Variants in LTBP1 observed in about 807,000 individuals in gnomAD.
LTBP1 encodes the protein latent-transforming growth factor beta-binding protein 1.
Under a neutral mutation model 207.6 loss-of-function variants are expected in LTBP1, and 129 were observed. The observed-to-expected ratio is 0.62, with a 90% CI of 0.54 to 0.72. The LOEUF (loss-of-function observed/expected upper bound fraction) is 0.72, where lower values mean the gene tolerates loss of function less well. Among genes scored for constraint, LTBP1 ranks in the 30% least tolerant of loss-of-function variants. The pLI, the probability that LTBP1 is intolerant of heterozygous loss-of-function variation, is 0.00. For missense variants in LTBP1, 2,281 were observed against 2,217.2 expected, an observed-to-expected ratio of 1.03 and a Z score of -0.58; for synonymous variants, 963 against 833.7, an observed-to-expected ratio of 1.16 and a Z score of -2.67.
chr2:33,207,557 A>C (rs1003231029), intron 7 of LTBP1, among the ~76,000 whole-genome samples: 2 of 152,194 alleles, frequency 1.3e-5, no homozygotes, highest in African/African-American at 4.8e-5. Flanking sequence ...GCTCAAGCCA[A>C]AGCAAATTTT....
chr2:32,947,681 C>G lies in LTBP1; in HGVS notation c.357C>G (p.His119Gln). 6.7e-7 allele frequency: 1 copy of G among 1,494,736 alleles called. No individual in the cohort carries two copies. The highest frequency in any genetic ancestry group is 1.3e-5 in the South Asian group (1 of 78,848). The allele number at this position is 1,494,736 out of a possible 1,614,324, so 92.6% of individuals were successfully genotyped here. The stretch of plus-strand genomic sequence containing the variant: ...CCGCGGTCCCCGGCGGGCAGCTCCA[C>G]CCCAATCCCGGCGGCCACCCGGCAG... ...ARPAVPGGQL[H>Q]PNPGGHPAAA... The change falls in exon 1 of 34, where the codon CAC (histidine) becomes CAG (glutamine). Residue 119 changes from histidine (H) to glutamine (Q), a missense_variant. This residue lies in a region of LTBP1 where 555 missense variants were observed against 491.0 expected (regional missense o/e 1.13). Coordinates refer to ENST00000404816, the MANE Select transcript of LTBP1 (RefSeq NM_206943.4).
At chr2:33,108,019 A>T (rs886635730) in intron 3 of LTBP1, among the ~76,000 whole-genome samples, 4 of 152,238 alleles carry the variant, frequency 2.6e-5, no homozygotes, top group Non-Finnish European at 4.4e-5. Flanking sequence ...GAGGATATGT[A>T]TTTGTAAGAC....
At chr2:33,063,249 A>C (rs1339421602) in intron 3 of LTBP1, 1 of 152,084 alleles carries the variant, frequency 6.6e-6, no homozygotes, top group Non-Finnish European at 1.5e-5. Context: ...ATGTGATTAC[A>C]ATTTGCATTG....
At chr2:33,233,312 C>G (rs2091889116) in intron 9 of LTBP1, among the ~76,000 whole-genome samples, 1 of 152,020 alleles carries the variant, frequency 6.6e-6, no homozygotes, top group African/African-American at 2.4e-5. Flanking sequence ...TAGGCTTTAT[C>G]TCATTTGTTA....
chr2:33,139,869 G>A (rs1338639704), intron 5 of LTBP1, among the ~76,000 whole-genome samples: 1 of 152,202 alleles, frequency 6.6e-6, no homozygotes, highest in African/African-American at 2.4e-5. Flanking sequence ...TAGATGACAG[G>A]TTGGGAAGGC....
intron 5 of LTBP1, among the ~76,000 whole-genome samples, chr2:33,139,088 G>T (rs1312420361): frequency 1.3e-5 from 2 of 151,848 alleles, no homozygotes; most frequent in Admixed American, 1.3e-4. Flanking sequence ...TCCATCTCCT[G>T]ACCTCGTGAT....
intron 2 of LTBP1, among the ~76,000 whole-genome samples, chr2:32,972,424 G>A (rs1037787992): frequency 2.0e-5 from 3 of 151,686 alleles, no homozygotes; most frequent in Non-Finnish European, 4.4e-5. Flanking sequence ...TTTGATGTGG[G>A]CAGTTAGTGC....
chr2:33,039,549 A>G (rs1357656166), intron 3 of LTBP1, among the ~76,000 whole-genome samples: 1 of 152,220 alleles, frequency 6.6e-6, no homozygotes, highest in Non-Finnish European at 1.5e-5. Flanking sequence ...ATTGCCAAAT[A>G]TATCGAGACA....
chr2:33,204,321 G>T (rs2089648397), intron 7 of LTBP1, among the ~76,000 whole-genome samples: 2 of 152,278 alleles, frequency 1.3e-5, no homozygotes, highest in South Asian at 4.2e-4. Flanking sequence ...TAGTGACACT[G>T]CCATTGGGCA....
At chr2:33,339,625 A>G (rs2094592527) in intron 24 of LTBP1, among the ~76,000 whole-genome samples, 1 of 150,956 alleles carries the variant, frequency 6.6e-6, no homozygotes, top group Admixed American at 6.6e-5. Context: ...CATTTTTTAG[A>G]CTGGAAATAA....
Position 32,947,780 on chromosome 2 carries a change from C to T in LTBP1, c.456C>T (p.Gly152=). The change falls in exon 1 of 34, where the codon GGC becomes GGT. Residue 152 remains glycine (G), a synonymous_variant. Transcript: ENST00000404816. ...CGCAGGAGACCCAGAGCGGCGGAGG[C>T]TCTAGGCTGCAGGTTCACCAGAAGC... The part of the protein sequence containing the change: ...KVPQETQSGG[G]SRLQVHQKQQ... 1 of 1,500,518 alleles carries T rather than the reference C, an allele frequency of 6.7e-7. No homozygotes were observed. The highest frequency in any genetic ancestry group is 8.9e-7 in the Non-Finnish European group (1 of 1,121,768). The allele number at this position is 1,500,518 out of a possible 1,614,324, so 93.0% of individuals were successfully genotyped here. A position where few individuals can be genotyped will look rare whatever the true frequency, so the allele number is the denominator to read the frequency against.
At chr2:33,397,018 T>C (rs2095364720) in intron 32 of LTBP1, 115 bp from the exon 33 acceptor site, 2 of 823,138 alleles carry the variant, frequency 2.4e-6, no homozygotes, top group Non-Finnish European at 3.7e-6. Context: ...ATGTCTGAAA[T>C]ATGTATGGAC....
intron 2 of LTBP1, among the ~76,000 whole-genome samples, chr2:32,959,617 A>ATT (rs1373102884): frequency 3.9e-4 from 15 of 38,550 alleles, no homozygotes; most frequent in African/African-American, 5.7e-4. Context: ...ATATATATAT[A>ATT]TATATTTTTT....
Position 33,309,556 on chromosome 2 carries a change from G to GGT in LTBP1, c.3604+1_3604+2dup. The GGT allele has an allele frequency of 6.2e-7, 1 of 1,602,198 alleles. No individual in the cohort carries two copies. The highest frequency in any genetic ancestry group is 8.5e-7 in the Non-Finnish European group (1 of 1,176,250). On this transcript the variant is annotated frameshift_variant and splice_region_variant. Transcript: ENST00000404816. LOFTEE classifies it high-confidence loss of function. Reference sequence around the variant, plus strand: ...GCTAGATGACAATAAAACATGTCAAGGTATTTCTTGCTCTTTTTTCCCCAG... The same window carrying GGT: ...GCTAGATGACAATAAAACATGTCAAGGTGTATTTCTTGCTCTTTTTTCCCCAG...
At chr2:33,255,858 T>A (rs2092834324) in intron 11 of LTBP1, among the ~76,000 whole-genome samples, 1 of 152,192 alleles carries the variant, frequency 6.6e-6, no homozygotes, top group Non-Finnish European at 1.5e-5. Flanking sequence ...TGACTTATTT[T>A]ATATTCAATT....
intron 3 of LTBP1, among the ~76,000 whole-genome samples, chr2:33,088,307 C>T (rs1178322376): frequency 6.6e-6 from 1 of 152,176 alleles, no homozygotes; most frequent in Non-Finnish European, 1.5e-5. Context: ...CAAAAATTAG[C>T]TAGGCATGGT....
chr2:33,122,010 T>A (rs554693035), intron 4 of LTBP1, among the ~76,000 whole-genome samples: 3 of 152,098 alleles, frequency 2.0e-5, no homozygotes, highest in Non-Finnish European at 4.4e-5. Context: ...TAGTTCTTTC[T>A]AGTTCTTCCC....
At position 33,272,821 on chromosome 2, in the gene LTBP1, A is replaced by C. The variant is rs17012722; in HGVS notation, c.2618-835A>C. ...AAGGACATTGGAAACAGAAAATCTT[A>C]AAGGAGTAATTAATCTCAGAAGGCC... On this transcript the variant is annotated intron_variant, in intron 15 of 33. Coordinates refer to ENST00000404816, the MANE Select transcript of LTBP1 (RefSeq NM_206943.4). Among the ~76,000 whole-genome samples the C allele has an allele frequency of 6.9e-3, 1,048 of 152,274 alleles. 8 individuals are homozygous for C. The highest frequency in any genetic ancestry group is 0.022 in the African/African-American group (932 of 41,552).
intron 5 of LTBP1, among the ~76,000 whole-genome samples, chr2:33,148,756 CTG>C (rs1311133755): frequency 1.3e-5 from 2 of 152,220 alleles, no homozygotes; most frequent in African/African-American, 4.8e-5. Context: ...GGTGGAAAAA[CTG>C]TTTGTCTGTC....
Sources: allele counts gnomAD v4.1 joint callset (sites outside exome capture counted in the v4.1 genomes callset), GRCh38; gene constraint gnomAD v4.1.1; regional missense constraint gnomAD v4.1.1; transcripts MANE v1.5; gene names NCBI Gene and HGNC (gene_info 2026-07-23, HGNC 2026-07-21).